HTR1F: variants seen among roughly 807,000 people sequenced by gnomAD.
HTR1F encodes the protein 5-hydroxytryptamine receptor 1F.
HTR1F carries 17 observed loss-of-function variants against 24.0 expected under a neutral mutation model. The observed-to-expected ratio is 0.71, with a 90% CI of 0.48 to 1.06. The LOEUF is 1.06. Among genes scored for constraint, HTR1F ranks in the 50% least tolerant of loss-of-function variants. The probability of loss-of-function intolerance (pLI) is 0.00; values close to 1 mark genes in which losing one functional copy is unlikely to be tolerated. For synonymous variants in HTR1F, 186 were observed against 156.8 expected (o/e 1.19, Z -1.39); for missense variants, 391 against 427.8 (o/e 0.91, Z 0.76).
chr3:87,980,163 C>A (rs1404193159), intron 2 of HTR1F, among the ~76,000 whole-genome samples: 1 of 152,190 alleles, frequency 6.6e-6, no homozygotes, highest in East Asian at 1.9e-4. Context: ...GGTACATGGA[C>A]AACTGGAGAG....
chr3:87,913,246 G>GA (rs1320936068), intron 2 of HTR1F, among the ~76,000 whole-genome samples: 1 of 151,982 alleles, frequency 6.6e-6, no homozygotes, highest in East Asian at 1.9e-4. Context: ...TTAAAAGACA[G>GA]AAAATAGCCC....
At chr3:87,906,180 A>G (rs745919805) in intron 2 of HTR1F, among the ~76,000 whole-genome samples, 1 of 152,156 alleles carries the variant, frequency 6.6e-6, no homozygotes. Flanking sequence ...GGTTAAGGCT[A>G]TAGAGTAACT....
At chr3:87,921,224 T>C (rs950300254) in intron 2 of HTR1F, among the ~76,000 whole-genome samples, 8 of 152,028 alleles carry the variant, frequency 5.3e-5, no homozygotes, top group East Asian at 3.8e-4. Flanking sequence ...TATATCATAA[T>C]TGAACATGAC....
At position 87,990,696 on chromosome 3, in the gene HTR1F, C is replaced by A; in HGVS notation, c.-42-12C>A. 7.3e-7 allele frequency: 1 copy of A among 1,367,802 alleles called. No homozygotes were observed. The highest frequency in any genetic ancestry group is 1.0e-6 in the Non-Finnish European group (1 of 985,364). The allele number at this position is 1,367,802 out of a possible 1,614,324, so 84.7% of individuals were successfully genotyped here. ...CCTTCTCTGAACTGTTTTTTCTCTT[C>A]CCTTGTTACAGGTATCCATTTTTCA... On this transcript the variant is annotated splice_polypyrimidine_tract_variant and intron_variant, in intron 2 of 2. Coordinates refer to ENST00000319595, the MANE Select transcript of HTR1F (RefSeq NM_001322209.2).
chr3:87,804,987 GT>G (rs942654862), intron 1 of HTR1F, among the ~76,000 whole-genome samples: 5 of 151,818 alleles, frequency 3.3e-5, no homozygotes, highest in Admixed American at 3.3e-4. Context: ...TTATCATAAT[GT>G]TTTTTTCTAG....
At chr3:87,855,886 G>C (rs1207851411) in intron 2 of HTR1F, among the ~76,000 whole-genome samples, 3 of 151,848 alleles carry the variant, frequency 2.0e-5, no homozygotes, top group African/African-American at 7.3e-5. Flanking sequence ...ATTAACTCTC[G>C]CAGTATCACA....
chr3:87,793,026 T>A lies in HTR1F; in HGVS notation c.-160+184T>A, dbSNP rs571962747. 3.3e-5 allele frequency among the ~76,000 whole-genome samples: 5 copies of A among 152,360 alleles called. No homozygotes were observed. The East Asian group carries it at 9.7e-4, about 29-fold the overall frequency. On this transcript the variant is annotated intron_variant, in intron 1 of 2. Transcript: ENST00000319595. Reference sequence around the variant, plus strand: ...TACTTTGATCTAACAGCGCAGGAATTCAAGAATTGCCCTTTCCCTTTTCTG... The same window carrying A: ...TACTTTGATCTAACAGCGCAGGAATACAAGAATTGCCCTTTCCCTTTTCTG...
chr3:87,933,542 C>A (rs1210704471), intron 2 of HTR1F, among the ~76,000 whole-genome samples: 3 of 151,354 alleles, frequency 2.0e-5, no homozygotes, highest in Admixed American at 6.6e-5. Context: ...AAATCACAAG[C>A]ATTATTATAC....
At chr3:87,989,472 C>T (rs1338122712) in intron 2 of HTR1F, among the ~76,000 whole-genome samples, 3 of 152,172 alleles carry the variant, frequency 2.0e-5, no homozygotes, top group African/African-American at 7.2e-5. Flanking sequence ...AAATTAACTA[C>T]TTATATCCAC....
intron 2 of HTR1F, among the ~76,000 whole-genome samples, chr3:87,967,005 C>T (rs747522161): frequency 3.9e-5 from 6 of 152,120 alleles, no homozygotes; most frequent in Non-Finnish European, 8.8e-5. Flanking sequence ...AATTTGCTTA[C>T]AGAATTATTT....
At chr3:87,869,454 TGATAGATA>T (rs4038036) in intron 2 of HTR1F, among the ~76,000 whole-genome samples, 1 of 124,772 alleles carries the variant, frequency 8.0e-6, no homozygotes, top group Admixed American at 7.8e-5. Context: ...GATAGATAGA[TGATAGATA>T]GATAGATAGA....
chr3:87,913,723 C>A (rs565157115), intron 2 of HTR1F, among the ~76,000 whole-genome samples: 1 of 152,206 alleles, frequency 6.6e-6, no homozygotes, highest in South Asian at 2.1e-4. Context: ...AAATGTGGTA[C>A]AATAAATACA....
intron 2 of HTR1F, among the ~76,000 whole-genome samples, chr3:87,919,383 T>C (rs546717063): frequency 2.6e-5 from 4 of 152,094 alleles, no homozygotes; most frequent in African/African-American, 9.6e-5. Flanking sequence ...GGGACTTAAT[T>C]AAACTAAAGA....
At chr3:87,937,054 G>T (rs1286736618) in intron 2 of HTR1F, among the ~76,000 whole-genome samples, 1 of 139,920 alleles carries the variant, frequency 7.1e-6, no homozygotes, top group Non-Finnish European at 1.5e-5. Flanking sequence ...GTACAAAGAA[G>T]AGCTGGTACC....
intron 2 of HTR1F, among the ~76,000 whole-genome samples, chr3:87,970,192 A>T (rs1159708049): frequency 6.6e-6 from 1 of 152,206 alleles, no homozygotes; most frequent in Non-Finnish European, 1.5e-5. Context: ...CAAAGATTTG[A>T]AGGAGTTGGA....
At chr3:87,892,954 GAACT>G (rs974424580) in intron 2 of HTR1F, among the ~76,000 whole-genome samples, 18 of 151,378 alleles carry the variant, frequency 1.2e-4, no homozygotes, top group African/African-American at 2.4e-5. Flanking sequence ...AAGGAGAAGG[GAACT>G]AACATACCAA....
In HTR1F at chr3:87,828,972, T is replaced by A. The variant is rs1360773539; in HGVS notation, c.-43+6848T>A. On this transcript the variant is annotated intron_variant, in intron 2 of 2. Transcript: ENST00000319595. The stretch of plus-strand genomic sequence containing the variant: ...GTGCTTTTCATCAACAGAAAACCAC[T>A]TGCTGACATGTGGTTCATTTCTAGG... Among the ~76,000 whole-genome samples the A allele has an allele frequency of 2.6e-5, 4 of 152,148 alleles. No homozygotes were observed. The East Asian group carries it at 7.7e-4, about 29-fold the overall frequency.
intron 2 of HTR1F, among the ~76,000 whole-genome samples, chr3:87,875,949 A>T (rs1276054512): frequency 6.6e-6 from 1 of 151,370 alleles, no homozygotes; most frequent in Non-Finnish European, 1.5e-5. Flanking sequence ...AAAGGGCAAG[A>T]CTCAAATAGA....
chr3:87,940,256 C>T (rs112431445), intron 2 of HTR1F, among the ~76,000 whole-genome samples: 4,885 of 152,158 alleles, frequency 0.032, 240 homozygotes, highest in African/African-American at 0.11. Flanking sequence ...CATTCTTTTG[C>T]CATTTGCTGA....
Sources: allele counts gnomAD v4.1 joint callset (sites outside exome capture counted in the v4.1 genomes callset), GRCh38; gene constraint gnomAD v4.1.1; transcripts MANE v1.5; gene names NCBI Gene and HGNC (gene_info 2026-07-23, HGNC 2026-07-21).